BCL11B: variants seen among roughly 807,000 people sequenced by gnomAD.
The protein encoded by BCL11B is B-cell lymphoma/leukemia 11B.
Under a neutral mutation model 49.9 loss-of-function variants are expected in BCL11B, and 8 were observed. The ratio of observed to expected loss-of-function variants is 0.16; its 90% CI spans 0.09 to 0.29. The LOEUF (loss-of-function observed/expected upper bound fraction) is 0.29. BCL11B is among the 10% of genes least tolerant of loss of function. The pLI is 1.00. For synonymous variants in BCL11B, 739 were observed against 637.4 expected, an observed-to-expected ratio of 1.16 and a Z score of -2.40; for missense variants, 1,006 against 1,351.0, an observed-to-expected ratio of 0.74 and a Z score of 4.00.
In BCL11B at chr14:99,175,073, G is replaced by C. The variant is rs779074066; in HGVS notation, c.1763C>G (p.Ala588Gly). Residue 588 changes from alanine to glycine, a missense_variant, in exon 4 of 4, where the codon GCT (alanine) becomes GGT (glycine). This residue lies in a region of BCL11B where 443 missense variants were observed against 499.7 expected (regional missense o/e 0.89). Coordinates refer to ENST00000357195, the MANE Select transcript of BCL11B (RefSeq NM_138576.4). The stretch of plus-strand genomic sequence containing the variant: ...GCCCAGCACCAGCGCCTTCTCGTCA[G>C]CCAGCGCCTTGGCCGCGCCGCCCCC... ...GAGGGAAKAL[A>G]DEKALVLGKV... 3.1e-6 allele frequency: 5 copies of C among 1,600,112 alleles called. No homozygotes were observed. In the East Asian group the frequency reaches 9.0e-5, roughly 29 times the overall value.
At chr14:99,264,530 T>G (rs1288218017) in intron 1 of BCL11B, 1 of 152,162 alleles carries the variant, frequency 6.6e-6, no homozygotes, top group East Asian at 1.9e-4. Flanking sequence ...TGAAGTGACT[T>G]AATTTTGTGT....
At chr14:99,212,602 A>G (rs966853101) in intron 3 of BCL11B, among the ~76,000 whole-genome samples, 4 of 152,138 alleles carry the variant, frequency 2.6e-5, no homozygotes, top group Admixed American at 2.6e-4. Flanking sequence ...ACCCCGTGAT[A>G]GGTGTCTCCA....
intron 3 of BCL11B, among the ~76,000 whole-genome samples, chr14:99,217,399 C>T (rs111362328): frequency 1.3e-4 from 5 of 39,882 alleles, no homozygotes; most frequent in Admixed American, 2.8e-4. Context: ...CACACACACA[C>T]ACACACACAC....
intron 3 of BCL11B, among the ~76,000 whole-genome samples, chr14:99,180,963 T>C (rs1389166670): frequency 6.6e-6 from 1 of 152,248 alleles, no homozygotes. Flanking sequence ...GGCTTTTTTA[T>C]GAGCATTTAA....
At chr14:99,223,169 C>T (rs1385502375) in intron 3 of BCL11B, among the ~76,000 whole-genome samples, 1 of 152,158 alleles carries the variant, frequency 6.6e-6, no homozygotes, top group Admixed American at 6.5e-5. Flanking sequence ...CTTGGAATTC[C>T]AGCTGATCTG....
intron 2 of BCL11B, among the ~76,000 whole-genome samples, chr14:99,253,000 C>T (rs1889051739): frequency 6.6e-6 from 1 of 152,260 alleles, no homozygotes; most frequent in African/African-American, 2.4e-5. Flanking sequence ...CCACACTTTC[C>T]TGTGTTTGGC....
chr14:99,202,298 A>G (rs907402907), intron 3 of BCL11B, among the ~76,000 whole-genome samples: 1 of 152,154 alleles, frequency 6.6e-6, no homozygotes, highest in Admixed American at 6.5e-5. Flanking sequence ...TGGCCTCTTT[A>G]TAAGCGCCAG....
At chr14:99,189,784 G>A (rs1886968860) in intron 3 of BCL11B, among the ~76,000 whole-genome samples, 1 of 152,222 alleles carries the variant, frequency 6.6e-6, no homozygotes, top group Admixed American at 6.5e-5. Flanking sequence ...AGCGGGGGAT[G>A]AGAAGGGCTG....
chr14:99,243,816 G>A (rs1888739501), intron 2 of BCL11B, among the ~76,000 whole-genome samples: 2 of 151,822 alleles, frequency 1.3e-5, no homozygotes, highest in Non-Finnish European at 2.9e-5. Flanking sequence ...CTCCGAAGGA[G>A]GCTTCTCCAG....
rs546990285 is a variant in BCL11B, at chr14:99,192,024, C to T, written c.641-15829G>A. ...ATCCAGAGAGATTACATAAAAAGTA[C>T]AATTAAGGGACGCTCAGAATCCCGA... is the stretch of plus-strand genomic sequence containing the variant. On this transcript the variant is annotated intron_variant, in intron 3 of 3. Transcript: ENST00000357195. The surrounding 1 kb of genome is among the most constrained non-coding windows in gnomAD (Gnocchi z 4.0). Among the ~76,000 whole-genome samples, 7 of 152,152 alleles carry T rather than the reference C, an allele frequency of 4.6e-5. No homozygotes were observed. In the South Asian group the frequency reaches 8.3e-4, roughly 18 times the overall value.
Position 99,183,797 on chromosome 14 carries a change from C to A in BCL11B, c.641-7602G>T, listed in dbSNP as rs138437175. ...GACAAGGACTAGACCTGGGAGGACA[C>A]CGCAACTCCACAGTCCACATGCCGC... On this transcript the variant is annotated intron_variant, in intron 3 of 3. Transcript: ENST00000357195. Among the ~76,000 whole-genome samples, 339 of 152,026 alleles carry A rather than the reference C, an allele frequency of 2.2e-3. 4 individuals are homozygous for A. Among genetic ancestry groups the A allele is most frequent in the African/African-American group, 7.9e-3 (326 of 41,442 alleles).
intron 3 of BCL11B, among the ~76,000 whole-genome samples, chr14:99,199,640 C>CTG (rs79328426): frequency 0.051 from 5,519 of 109,142 alleles, 108 homozygotes; most frequent in Non-Finnish European, 0.063. Flanking sequence ...TGGCTAAATG[C>CTG]TGTGTGTGTG....
intron 3 of BCL11B, among the ~76,000 whole-genome samples, chr14:99,203,071 A>G (rs1288437467): frequency 1.3e-5 from 2 of 152,042 alleles, no homozygotes; most frequent in African/African-American, 4.8e-5. Flanking sequence ...GGGCCCTTCC[A>G]CACCCTATCT....
At chr14:99,266,031 A>G (rs1889471895) in intron 1 of BCL11B, among the ~76,000 whole-genome samples, 3 of 152,218 alleles carry the variant, frequency 2.0e-5, no homozygotes, top group Admixed American at 1.3e-4. Flanking sequence ...TCCTCTCATT[A>G]AAAGCCATCC....
chr14:99,238,064 GT>G (rs1888556398), intron 2 of BCL11B, among the ~76,000 whole-genome samples: 1 of 152,026 alleles, frequency 6.6e-6, no homozygotes, highest in South Asian at 2.1e-4. Flanking sequence ...CCACGACCCT[GT>G]GTGGCCACCA....
intron 3 of BCL11B, among the ~76,000 whole-genome samples, chr14:99,179,081 C>G (rs983206736): frequency 6.6e-6 from 1 of 152,144 alleles, no homozygotes; most frequent in Admixed American, 6.5e-5. Flanking sequence ...GCTGAAATGG[C>G]CAAGTCACAG....
rs566647093 is a variant in BCL11B, at chr14:99,191,047, T to C, written c.641-14852A>G. ...CCACTCTTTTATTATTGGTTATTCTTGAACCTCAAAATAGATACTAATATT... is the reference window on the plus strand; with the variant it reads ...CCACTCTTTTATTATTGGTTATTCTCGAACCTCAAAATAGATACTAATATT... On this transcript the variant is annotated intron_variant, in intron 3 of 3. Transcript: ENST00000357195. Among the ~76,000 whole-genome samples the C allele has an allele frequency of 6.6e-5, 10 of 152,332 alleles. No individual in the cohort carries two copies. In the South Asian group the frequency reaches 2.1e-3, roughly 32 times the overall value.
chr14:99,182,136 C>T (rs1292631382), intron 3 of BCL11B, among the ~76,000 whole-genome samples: 3 of 152,202 alleles, frequency 2.0e-5, no homozygotes, highest in South Asian at 2.1e-4. Context: ...AACCTCAGCT[C>T]TCTCCAAGAC....
At chr14:99,255,431 A>AAAC (rs1889132482) in intron 2 of BCL11B, among the ~76,000 whole-genome samples, 1 of 111,372 alleles carries the variant, frequency 9.0e-6, no homozygotes. Flanking sequence ...AAAAAAAAAA[A>AAAC]AAAACAGGGG....
Sources: gnomAD v4.1 joint callset for allele counts (sites outside exome capture counted in the v4.1 genomes callset) on GRCh38, gnomAD v4.1.1 for gene constraint, gnomAD v4.1.1 regional missense constraint, Gnocchi (gnomAD v3.1) non-coding constraint, MANE v1.5 for transcripts, NCBI Gene and HGNC (gene_info 2026-07-23, HGNC 2026-07-21) for gene names.